The following TLN1 variants were observed in gnomAD, a reference collection of about 807,000 sequenced individuals.
TLN1 encodes the protein talin-1.
TLN1 carries 56 observed loss-of-function variants against 292.3 expected under a neutral mutation model. The observed-to-expected ratio is 0.19, with a 90% confidence interval of 0.15 to 0.24. The LOEUF is 0.24. TLN1 is among the 10% of genes least tolerant of loss of function. The pLI is 1.00. For missense variants in TLN1, 2,433 were observed against 3,248.2 expected (o/e 0.75, Z 6.10); for synonymous variants, 1,119 against 1,253.7 (o/e 0.89, Z 2.27).
At position 35,698,340 on chromosome 9, in the gene TLN1, C is replaced by T; in HGVS notation, c.7354G>A (p.Ala2452Thr). The T allele has an allele frequency of 6.2e-7, 1 of 1,614,092 alleles. No individual in the cohort carries two copies. The highest frequency in any genetic ancestry group is 8.5e-7 in the Non-Finnish European group (1 of 1,179,982). The change falls in exon 55 of 57, where the codon GCA becomes ACA. Residue 2452 changes from alanine to threonine, a missense_variant. Ala to Thr is a moderately conservative substitution (Grantham distance 58, BLOSUM62 0). This residue lies in a region of TLN1 where 141 missense variants were observed against 248.5 expected (regional missense o/e 0.57). Transcript: ENST00000314888. The surrounding 1 kb of genome is among the most constrained non-coding windows in gnomAD (Gnocchi z 5.3). The part of the protein sequence containing the change: ...CKVKADQDSE[A>T]MKRLQAAGNA... Reference sequence around the variant, plus strand: ...GTTCTCACCTGAAGTCGTTTCATTGCCTCCGAGTCCTGGTCAGCCTTGACC... The same window carrying T: ...GTTCTCACCTGAAGTCGTTTCATTGTCTCCGAGTCCTGGTCAGCCTTGACC...
rs1825561028 is a variant in TLN1, at chr9:35,706,114, G to A, written c.5362-3C>T. The A allele has an allele frequency of 6.2e-7, 1 of 1,614,082 alleles. No individual in the cohort carries two copies. The highest frequency in any genetic ancestry group is 1.3e-5 in the African/African-American group (1 of 75,054). ...GCTTCCTGGGTGTGAGCTGCTTGCT[G>A]TGGGGAGAGGAGAGGAGCTCTGTTG... On this transcript the variant is annotated splice_region_variant and splice_polypyrimidine_tract_variant and intron_variant, in intron 40 of 56. Coordinates refer to ENST00000314888, the MANE Select transcript of TLN1 (RefSeq NM_006289.4). The surrounding 1 kb of genome is among the most constrained non-coding windows in gnomAD (Gnocchi z 4.2).
rs758176386 is a variant in TLN1, at chr9:35,707,820, G to A, written c.4543C>T (p.Arg1515Cys). ...LCNSCRLASA[R>C]TTNPTAKRQF... ...CGCTTGGCAGTAGGATTGGTGGTAC[G>A]GGCAGAAGCCAGGCGACAGCTGTTA... The change falls in exon 35 of 57, where the codon CGT (arginine) becomes TGT (cysteine). Residue 1515 changes from arginine (R) to cysteine (C), a missense_variant. By Grantham distance (180) the Arg-to-Cys change is radical. Around this residue, in one of 7 missense-constraint regions of TLN1, gnomAD observed 1,384 missense variants for 1,699.6 expected, o/e 0.81. Coordinates refer to ENST00000314888, the MANE Select transcript of TLN1 (RefSeq NM_006289.4). The surrounding 1 kb of genome is among the most constrained non-coding windows in gnomAD (Gnocchi z 5.6). 3.2e-5 allele frequency: 52 copies of A among 1,614,076 alleles called. No individual in the cohort carries two copies. In the East Asian group the frequency reaches 4.9e-4, roughly 15 times the overall value.
Position 35,698,919 on chromosome 9 carries a change from G to A in TLN1, c.7014C>T (p.Ser2338=). The A allele has an allele frequency of 6.2e-7, 1 of 1,613,984 alleles. No individual in the cohort carries two copies. Among genetic ancestry groups the A allele is most frequent in the Non-Finnish European group, 8.5e-7 (1 of 1,179,904 alleles). The part of the protein sequence containing the change: ...PRAKPKEADE[S]LNFEEQILEA... ...CTAGTATCTGCTCCTCAAAGTTCAA[G>A]GACTCATCTGCCTCCTGCAATAAGC... The change falls in exon 53 of 57, where the codon TCC becomes TCT. Residue 2338 remains serine, a synonymous_variant. Transcript: ENST00000314888. The surrounding 1 kb of genome is among the most constrained non-coding windows in gnomAD (Gnocchi z 5.3).
intron 8 of TLN1, 98 bp from the exon 9 acceptor site, chr9:35,722,321 C>A (rs998068088): frequency 5.2e-5 from 56 of 1,071,124 alleles, no homozygotes; most frequent in Non-Finnish European, 7.5e-5. Flanking sequence ...ATTATGGGGA[C>A]ACTGGAAAGG....
intron 7 of TLN1, 35 bp downstream of exon 7, chr9:35,723,917 G>A: frequency 1.2e-6 from 2 of 1,611,248 alleles, no homozygotes; most frequent in Non-Finnish European, 1.7e-6. Context: ...AGGGAGTCCT[G>A]GGCCCTGACA....
chr9:35,717,143 T>C lies in TLN1; in HGVS notation c.2458+3A>G, dbSNP rs547482242. The C allele has an allele frequency of 3.5e-5, 55 of 1,592,756 alleles. No homozygotes were observed. The South Asian group carries it at 5.4e-4, about 16-fold the overall frequency. ...TTTGTTTTCCTGGGGGTGCGTGTCT[T>C]ACCAGCATCACCCATGGAGCTAAAG... On this transcript the variant is annotated splice_donor_region_variant and intron_variant, in intron 19 of 56. Coordinates refer to ENST00000314888, the MANE Select transcript of TLN1 (RefSeq NM_006289.4). This position sits in a 1 kb window ranked among gnomAD's most constrained non-coding sequence, Gnocchi z 4.7.
At chr9:35,723,814 G>T (rs1352708362) in intron 7 of TLN1, 138 bp downstream of exon 7, 3 of 1,294,638 alleles carry the variant, frequency 2.3e-6, no homozygotes, top group Non-Finnish European at 3.2e-6. Flanking sequence ...CAACTAAAAG[G>T]GTAGCTATGT....
In TLN1 at chr9:35,719,141, T is replaced by C; in HGVS notation, c.1829A>G (p.Gln610Arg). 1.2e-6 allele frequency: 2 copies of C among 1,614,118 alleles called. No individual in the cohort carries two copies. Among genetic ancestry groups the C allele is most frequent in the Non-Finnish European group, 1.7e-6 (2 of 1,180,028 alleles). The change falls in exon 16 of 57, where the codon CAG becomes CGG. Residue 610 changes from glutamine (Q) to arginine (R), a missense_variant. Transcript: ENST00000314888. The surrounding 1 kb of genome is among the most constrained non-coding windows in gnomAD (Gnocchi z 4.6). ...TGCTCCCGCAAGGCCCTTTGCTGCC[T>C]GCAACAGGGGCCGACCACTGCCGCC... is the stretch of plus-strand genomic sequence containing the variant. ...DEGGSGRPLLQAAKGLAGAVS... is the reference protein window; with the variant it reads ...DEGGSGRPLLRAAKGLAGAVS...
At position 35,716,190 on chromosome 9, in the gene TLN1, TAAAAAA is replaced by T. The variant is rs11443679; in HGVS notation, c.2625+194_2625+199del. ...GGGCAACACAGTGAGACCACATCTT[TAAAAAA>T]AAAAAAAAAAAAAAAGCCTGGGTCA... On this transcript the variant is annotated intron_variant, in intron 20 of 56. Coordinates refer to ENST00000314888, the MANE Select transcript of TLN1 (RefSeq NM_006289.4). Among the ~76,000 whole-genome samples the T allele has an allele frequency of 2.7e-5, 3 of 112,428 alleles. No homozygotes were observed. In the Admixed American group the frequency reaches 2.8e-4, roughly 11 times the overall value. 73.8% of individuals were successfully genotyped at this position (112,428 alleles called of 152,430 possible). A position where few individuals can be genotyped will look rare whatever the true frequency, so the allele number is the denominator to read the frequency against.
chr9:35,725,535 C>T (rs1169075006), intron 2 of TLN1, 30 bp downstream of exon 2: 2 of 1,607,224 alleles, frequency 1.2e-6, no homozygotes, highest in Non-Finnish European at 8.5e-7. Context: ...TGAAGACTCC[C>T]ACTCCAGCCA....
At position 35,705,573 on chromosome 9, in the gene TLN1, G is replaced by A. The variant is rs373819052; in HGVS notation, c.5711C>T (p.Ala1904Val). Residue 1904 changes from alanine (A) to valine (V), a missense_variant, in exon 43 of 57, where the codon GCG (alanine) becomes GTG (valine). This residue lies in a region of TLN1 where 1,384 missense variants were observed against 1,699.6 expected (regional missense o/e 0.81). Coordinates refer to ENST00000314888, the MANE Select transcript of TLN1 (RefSeq NM_006289.4). Reference sequence around the variant, plus strand: ...TACCTCTTCATTTTCAGCAGCCACCGCTGCAGGCTTGGCCTCCGAGGCCAG... The same window carrying A: ...TACCTCTTCATTTTCAGCAGCCACCACTGCAGGCTTGGCCTCCGAGGCCAG... ...GRLASEAKPA[A>V]VAAENEEIGS... The A allele has an allele frequency of 1.8e-5, 29 of 1,598,378 alleles. No homozygotes were observed. The highest frequency in any genetic ancestry group is 9.0e-5 in the East Asian group (4 of 44,578).
In TLN1 at chr9:35,714,754, T is replaced by C; in HGVS notation, c.2871+6A>G. On this transcript the variant is annotated splice_donor_region_variant and intron_variant, in intron 22 of 56. Transcript: ENST00000314888. The surrounding 1 kb of genome is among the most constrained non-coding windows in gnomAD (Gnocchi z 4.6). ...TTCCACTCCCACATCCTTCCTAGAG[T>C]CTTACCTTGCAGCTCTGCACCAGCA... The C allele has an allele frequency of 1.2e-6, 2 of 1,603,770 alleles. No homozygotes were observed. The highest frequency in any genetic ancestry group is 1.1e-5 in the South Asian group (1 of 89,548).
chr9:35,718,951 G>A, intron 16 of TLN1, 41 bp from the exon 17 acceptor site: 4 of 1,605,020 alleles, frequency 2.5e-6, no homozygotes, highest in Non-Finnish European at 2.6e-6. Context: ...CCCAATCCCT[G>A]CCCACATGCC....
chr9:35,711,952 A>G, intron 28 of TLN1, 53 bp downstream of exon 28: 2 of 1,603,142 alleles, frequency 1.2e-6, no homozygotes, highest in Non-Finnish European at 1.7e-6. Context: ...GAGGAAGGAG[A>G]GGCCTGGCAT....
At chr9:35,715,281 ATGTATT>A (rs1399587889) in intron 20 of TLN1, 94 bp from the exon 21 acceptor site, 2 of 1,493,490 alleles carry the variant, frequency 1.3e-6, no homozygotes, top group Non-Finnish European at 1.8e-6. Flanking sequence ...TTTAAAATTC[ATGTATT>A]TTCCTGAAGT....
chr9:35,700,460 G>A (rs1825446349), intron 48 of TLN1, 84 bp from the exon 49 acceptor site: 1 of 1,403,676 alleles, frequency 7.1e-7, no homozygotes, highest in African/African-American at 1.4e-5. Flanking sequence ...GTGATTTGGT[G>A]CAGACATTCA....
chr9:35,717,882 C>A lies in TLN1; in HGVS notation c.1996-96G>T. ...AGCTGCTTCATTATTCCCACTGATC[C>A]AATCAAAGGAGAGTGTACGCAGAAG... On this transcript the variant is annotated intron_variant, in intron 17 of 56. Coordinates refer to ENST00000314888, the MANE Select transcript of TLN1 (RefSeq NM_006289.4). The surrounding 1 kb of genome is among the most constrained non-coding windows in gnomAD (Gnocchi z 4.7). The A allele has an allele frequency of 7.0e-7, 1 of 1,418,582 alleles. No homozygotes were observed. The highest frequency in any genetic ancestry group is 9.6e-7 in the Non-Finnish European group (1 of 1,043,786). The allele number at this position is 1,418,582 out of a possible 1,614,324, so 87.9% of individuals were successfully genotyped here.
At position 35,705,532 on chromosome 9, in the gene TLN1, G is replaced by T; in HGVS notation, c.5733+19C>A. ...GGAACAAGGGGCAGGGGGCAGGGCA[G>T]AGTTGCCTCCACGTTTACCTCTTCA... On this transcript the variant is annotated intron_variant, in intron 43 of 56. Coordinates refer to ENST00000314888, the MANE Select transcript of TLN1 (RefSeq NM_006289.4). The T allele has an allele frequency of 6.4e-7, 1 of 1,560,510 alleles. No individual in the cohort carries two copies. Among genetic ancestry groups the T allele is most frequent in the East Asian group, 2.3e-5 (1 of 44,360 alleles).
Position 35,719,205 on chromosome 9 carries a change from G to A in TLN1, c.1765C>T (p.Arg589Cys), listed in dbSNP as rs759490877. Residue 589 changes from arginine to cysteine, a missense_variant, in exon 16 of 57, where the codon CGT (arginine) becomes TGT (cysteine). By Grantham distance (180) the Arg-to-Cys change is radical. Around this residue, in one of 7 missense-constraint regions of TLN1, gnomAD observed 617 missense variants for 770.6 expected, o/e 0.80. Transcript: ENST00000314888. The surrounding 1 kb of genome is among the most constrained non-coding windows in gnomAD (Gnocchi z 4.6). Reference protein sequence around the residue: ...TISSNLTEMSRGVKLLAALLE... With the variant: ...TISSNLTEMSCGVKLLAALLE... ...AAGGCAGCCAGCAGCTTCACCCCAC[G>A]GGACATCTCCGTCAGGTTGGAGGAG... is the stretch of plus-strand genomic sequence containing the variant. 1.5e-5 allele frequency: 25 copies of A among 1,614,040 alleles called. No homozygotes were observed. Among genetic ancestry groups the A allele is most frequent in the East Asian group, 4.5e-5 (2 of 44,886 alleles).
Sources: allele counts gnomAD v4.1 joint callset (sites outside exome capture counted in the v4.1 genomes callset), GRCh38; gene constraint gnomAD v4.1.1; regional missense constraint gnomAD v4.1.1; non-coding constraint Gnocchi (gnomAD v3.1); transcripts MANE v1.5; gene names NCBI Gene and HGNC (gene_info 2026-07-23, HGNC 2026-07-21).